Variants in SUPT3H observed in about 807,000 individuals in gnomAD.
The protein encoded by SUPT3H is transcription initiation protein SPT3 homolog.
SUPT3H carries 44 observed loss-of-function variants against 44.3 expected under a neutral mutation model. The ratio of observed to expected loss-of-function variants is 0.99; its 90% CI spans 0.78 to 1.28. The LOEUF (loss-of-function observed/expected upper bound fraction) is 1.28. Ranked by LOEUF, SUPT3H falls within the 50% of genes most tolerant of loss-of-function variation. The pLI is 0.00. For missense variants in SUPT3H, 380 were observed against 387.1 expected (o/e 0.98, Z 0.15); for synonymous variants, 124 against 125.6 (o/e 0.99, Z 0.09).
intron 2 of SUPT3H, among the ~76,000 whole-genome samples, chr6:45,207,269 A>C (rs1584255650): frequency 6.6e-6 from 1 of 152,296 alleles, no homozygotes; most frequent in East Asian, 1.9e-4. Context: ...AATGCTATTG[A>C]TAGGTCAAGG....
At chr6:45,322,837 G>C (rs1186796050) in intron 2 of SUPT3H, 2 of 1,504,172 alleles carry the variant, frequency 1.3e-6, no homozygotes, top group African/African-American at 2.7e-5. Flanking sequence ...ACCACAGTTA[G>C]ATTCATCCAA....
At chr6:44,865,971 G>A (rs1302930462) in intron 10 of SUPT3H, among the ~76,000 whole-genome samples, 2 of 152,168 alleles carry the variant, frequency 1.3e-5, no homozygotes, top group Non-Finnish European at 2.9e-5. Flanking sequence ...TGCAGTGAGG[G>A]AGGGGAGTTT....
At chr6:45,052,345 A>T (rs1045690596) in intron 3 of SUPT3H, among the ~76,000 whole-genome samples, 34 of 152,332 alleles carry the variant, frequency 2.2e-4, no homozygotes, top group African/African-American at 7.9e-4. Flanking sequence ...AAATTAAAGA[A>T]AAGCATGAAA....
intron 10 of SUPT3H, among the ~76,000 whole-genome samples, chr6:44,914,088 C>A (rs1443533447): frequency 6.6e-6 from 1 of 152,100 alleles, no homozygotes; most frequent in African/African-American, 2.4e-5. Context: ...CCTTTGAATA[C>A]ATTTTTTTAA....
chr6:45,190,530 A>C (rs1814954775), intron 2 of SUPT3H, among the ~76,000 whole-genome samples: 1 of 152,278 alleles, frequency 6.6e-6, no homozygotes, highest in Non-Finnish European at 1.5e-5. Context: ...TTGTTGGGTT[A>C]TTCTCATTTA....
intron 3 of SUPT3H, among the ~76,000 whole-genome samples, chr6:45,056,633 A>G (rs1206300115): frequency 6.6e-6 from 1 of 152,184 alleles, no homozygotes; most frequent in Non-Finnish European, 1.5e-5. Context: ...TTTCACTTAC[A>G]AGTGGGAGCT....
chr6:45,256,989 G>T (rs539683737), intron 2 of SUPT3H, among the ~76,000 whole-genome samples: 1 of 152,164 alleles, frequency 6.6e-6, no homozygotes, highest in African/African-American at 2.4e-5. Flanking sequence ...GTAATTCGAC[G>T]TTTAATGGTT....
intron 3 of SUPT3H, among the ~76,000 whole-genome samples, chr6:45,056,077 G>A (rs1791070810): frequency 6.6e-6 from 1 of 152,044 alleles, no homozygotes; most frequent in Non-Finnish European, 1.5e-5. Flanking sequence ...TGAAAAAAAT[G>A]TTCAACATCA....
intron 10 of SUPT3H, among the ~76,000 whole-genome samples, chr6:44,833,680 C>CCA (rs1308878383): frequency 2.0e-5 from 3 of 152,046 alleles, no homozygotes; most frequent in Admixed American, 1.3e-4. Context: ...TTGAGCCTTA[C>CCA]CACAATTAGT....
chr6:44,905,696 T>C (rs1389005677), intron 10 of SUPT3H, among the ~76,000 whole-genome samples: 2 of 152,206 alleles, frequency 1.3e-5, no homozygotes, highest in African/African-American at 4.8e-5. Flanking sequence ...TTATAAATCA[T>C]GTTGCTATAA....
chr6:45,062,654 G>A (rs7764226), intron 3 of SUPT3H, among the ~76,000 whole-genome samples: 54,525 of 151,964 alleles, frequency 0.36, 10,522 homozygotes, highest in Non-Finnish European at 0.43. Flanking sequence ...CCTGGGAAGC[G>A]CGAGGGGTCA....
At chr6:45,143,925 T>C (rs1452109963) in intron 2 of SUPT3H, among the ~76,000 whole-genome samples, 1 of 152,070 alleles carries the variant, frequency 6.6e-6, no homozygotes, top group Non-Finnish European at 1.5e-5. Context: ...CACCTTTATA[T>C]ACACGAACTA....
At chr6:44,882,344 C>G (rs988193722) in intron 10 of SUPT3H, among the ~76,000 whole-genome samples, 1 of 152,074 alleles carries the variant, frequency 6.6e-6, no homozygotes, top group Admixed American at 6.6e-5. Flanking sequence ...AGAAGAAGTA[C>G]AATCCCTGAT....
intron 2 of SUPT3H, among the ~76,000 whole-genome samples, chr6:45,363,643 T>C (rs1794643899): frequency 6.6e-6 from 1 of 152,080 alleles, no homozygotes; most frequent in Non-Finnish European, 1.5e-5. Flanking sequence ...TAAAATATTC[T>C]TAATATAAAG....
chr6:45,019,626 C>T (rs1376336480), intron 4 of SUPT3H, among the ~76,000 whole-genome samples: 2 of 151,946 alleles, frequency 1.3e-5, no homozygotes, highest in Admixed American at 6.6e-5. Context: ...CTGAAACATA[C>T]TGCATTTTAC....
chr6:45,159,345 T>C (rs1042490671), intron 2 of SUPT3H: 3 of 152,210 alleles, frequency 2.0e-5, no homozygotes, highest in African/African-American at 7.2e-5. Flanking sequence ...AAGTCACTAT[T>C]CGAAATTACT....
At chr6:45,287,023 A>T (rs1779418631) in intron 2 of SUPT3H, among the ~76,000 whole-genome samples, 1 of 152,134 alleles carries the variant, frequency 6.6e-6, no homozygotes, top group Non-Finnish European at 1.5e-5. Flanking sequence ...GTTCTCACTC[A>T]TAGGTGGGAA....
intron 2 of SUPT3H, among the ~76,000 whole-genome samples, chr6:45,261,977 A>T (rs1774434614): frequency 6.6e-6 from 1 of 152,114 alleles, no homozygotes; most frequent in African/African-American, 2.4e-5. Context: ...CCCACCTACA[A>T]TACCCACAAA....
chr6:45,222,843 T>C (rs545592635), intron 2 of SUPT3H, among the ~76,000 whole-genome samples: 6 of 152,254 alleles, frequency 3.9e-5, no homozygotes, highest in African/African-American at 1.4e-4. Context: ...ATCCACACCA[T>C]GGAATACTCT....
Sources: gnomAD v4.1 joint callset for allele counts (sites outside exome capture counted in the v4.1 genomes callset) on GRCh38, gnomAD v4.1.1 for gene constraint, MANE v1.5 for transcripts, NCBI Gene and HGNC (gene_info 2026-07-23, HGNC 2026-07-21) for gene names.